Variants in KAZN observed in about 807,000 individuals in gnomAD.
KAZN encodes the protein kazrin, periplakin interacting protein, also known as kazrin.
In KAZN, 40 loss-of-function variants were observed where a neutral mutation model predicts 87.4. That is an observed-to-expected ratio of 0.46 (90% CI 0.36 to 0.60). KAZN has a LOEUF of 0.60. KAZN is among the 20% of genes least tolerant of loss of function. The pLI is 0.00. For synonymous variants in KAZN, 466 were observed against 458.3 expected, an observed-to-expected ratio of 1.02 and a Z score of -0.22; for missense variants, 898 against 1,073.9, an observed-to-expected ratio of 0.84 and a Z score of 2.29.
intron 2 of KAZN, among the ~76,000 whole-genome samples, chr1:14,488,753 G>A (rs1557754051): frequency 6.6e-6 from 1 of 152,194 alleles, no homozygotes; most frequent in Non-Finnish European, 1.5e-5. Context: ...TGTCTGAGAA[G>A]TGCAAGAAAG....
In KAZN at chr1:14,494,679, C is replaced by T. The variant is rs371555355; in HGVS notation, c.250-104304C>T. ...ACTGCCTTACTTCTGACCTCCTGAA[C>T]CAATCTGTAATGTCCAAGCAAAACC... On this transcript the variant is annotated intron_variant, in intron 2 of 16. Transcript: ENST00000636203. Among the ~76,000 whole-genome samples, 7 of 152,278 alleles carry T rather than the reference C, an allele frequency of 4.6e-5. No homozygotes were observed. The East Asian group carries it at 1.2e-3, about 25-fold the overall frequency.
chr1:14,456,873 A>G (rs1485779554), intron 2 of KAZN, among the ~76,000 whole-genome samples: 4 of 152,272 alleles, frequency 2.6e-5, no homozygotes, highest in Admixed American at 2.6e-4. Flanking sequence ...TGAGGTCAAG[A>G]GTTCGAGACC....
intron 2 of KAZN, among the ~76,000 whole-genome samples, chr1:14,351,751 C>A (rs1281479760): frequency 3.9e-5 from 6 of 152,154 alleles, no homozygotes; most frequent in Non-Finnish European, 8.8e-5. Flanking sequence ...AGCTCTACCC[C>A]ACAGCAAACA....
intron 2 of KAZN, among the ~76,000 whole-genome samples, chr1:14,512,537 C>T (rs911127230): frequency 3.7e-5 from 5 of 136,484 alleles, no homozygotes; most frequent in Non-Finnish European, 6.1e-5. Flanking sequence ...AGATTCAGGA[C>T]ATTAGCCTAT....
At chr1:14,919,827 T>C (rs923907450) in intron 1 of KAZN, among the ~76,000 whole-genome samples, 2 of 152,208 alleles carry the variant, frequency 1.3e-5, no homozygotes, top group Admixed American at 6.5e-5. Context: ...CTTACCATCG[T>C]GTTACAATTA....
chr1:14,535,298 C>G (rs796202758), intron 2 of KAZN, among the ~76,000 whole-genome samples: 53 of 152,348 alleles, frequency 3.5e-4, no homozygotes, highest in African/African-American at 1.3e-3. Flanking sequence ...TATAAATAGG[C>G]TTGCATCTTA....
At chr1:14,544,304 C>T (rs1392976318) in intron 2 of KAZN, among the ~76,000 whole-genome samples, 1 of 147,958 alleles carries the variant, frequency 6.8e-6, no homozygotes, top group African/African-American at 2.5e-5. Flanking sequence ...CACAAATTAC[C>T]ACTTTGAGAT....
chr1:15,094,944 C>A lies in KAZN; in HGVS notation c.1547+11C>A. On this transcript the variant is annotated intron_variant, in intron 10 of 14. Transcript: ENST00000376030. This position sits in a 1 kb window ranked among gnomAD's most constrained non-coding sequence, Gnocchi z 4.5. The stretch of plus-strand genomic sequence containing the variant: ...CGAGGCAGGCCGCAGGTGAGCCCAC[C>A]ACGAGGGGCCCCGGGGGAGGAGAGA... 1 of 1,537,506 alleles carries A rather than the reference C, an allele frequency of 6.5e-7. No individual in the cohort carries two copies. Among genetic ancestry groups the A allele is most frequent in the Non-Finnish European group, 8.8e-7 (1 of 1,135,844 alleles).
At chr1:14,336,360 A>G (rs546887210) in intron 2 of KAZN, among the ~76,000 whole-genome samples, 1 of 152,248 alleles carries the variant, frequency 6.6e-6, no homozygotes, top group East Asian at 1.9e-4. Flanking sequence ...GTGTTTCTCC[A>G]TTCTTTAGCT....
At chr1:14,377,116 G>A (rs536792115) in intron 2 of KAZN, among the ~76,000 whole-genome samples, 39 of 152,298 alleles carry the variant, frequency 2.6e-4, no homozygotes, top group African/African-American at 8.7e-4. Flanking sequence ...AAGCTAGTGG[G>A]AAACAGAGTA....
At chr1:14,006,625 G>A (rs2101167746) in intron 1 of KAZN, among the ~76,000 whole-genome samples, 1 of 152,158 alleles carries the variant, frequency 6.6e-6, no homozygotes, top group African/African-American at 2.4e-5. Flanking sequence ...TCTTCTTGGT[G>A]CCCTGGTTGA....
At chr1:15,073,426 C>T (rs907096107) in intron 8 of KAZN, among the ~76,000 whole-genome samples, 1 of 152,164 alleles carries the variant, frequency 6.6e-6, no homozygotes, top group East Asian at 1.9e-4. Context: ...GGAGGGCAGA[C>T]TCGCCAGGGC....
chr1:14,017,164 T>C (rs1640608911), intron 1 of KAZN, among the ~76,000 whole-genome samples: 1 of 152,212 alleles, frequency 6.6e-6, no homozygotes, highest in Non-Finnish European at 1.5e-5. Context: ...CTGCTTTTTC[T>C]CAATGACGTT....
chr1:14,792,568 C>G (rs1645706544), intron 1 of KAZN, among the ~76,000 whole-genome samples: 1 of 152,068 alleles, frequency 6.6e-6, no homozygotes, highest in South Asian at 2.1e-4. Flanking sequence ...TCTTGACTAG[C>G]ATCATGAGGA....
chr1:14,701,468 A>G (rs1641916503), intron 1 of KAZN, among the ~76,000 whole-genome samples: 1 of 152,176 alleles, frequency 6.6e-6, no homozygotes, highest in South Asian at 2.1e-4. Context: ...TACCCTGCAC[A>G]CACTCTCCAC....
At chr1:14,678,342 A>G (rs897741892) in intron 1 of KAZN, among the ~76,000 whole-genome samples, 3 of 152,100 alleles carry the variant, frequency 2.0e-5, no homozygotes, top group Non-Finnish European at 2.9e-5. Flanking sequence ...TCAGACTCCA[A>G]GTTCTTAGGT....
At chr1:14,075,985 C>T (rs1398242156) in intron 1 of KAZN, among the ~76,000 whole-genome samples, 10 of 152,082 alleles carry the variant, frequency 6.6e-5, no homozygotes, top group South Asian at 2.1e-4. Flanking sequence ...GGGATTTATA[C>T]GAAAGGGAAA....
chr1:14,372,228 T>G (rs533236540), intron 2 of KAZN, among the ~76,000 whole-genome samples: 1 of 152,350 alleles, frequency 6.6e-6, no homozygotes, highest in Non-Finnish European at 1.5e-5. Context: ...TACATATAGC[T>G]ATAGTGTGGT....
intron 1 of KAZN, among the ~76,000 whole-genome samples, chr1:14,842,940 G>A (rs1165951470): frequency 6.6e-6 from 1 of 152,126 alleles, no homozygotes; most frequent in Non-Finnish European, 1.5e-5. Context: ...ATAATGTGAT[G>A]TGATTGGTAT....
Sources: allele counts gnomAD v4.1 joint callset (sites outside exome capture counted in the v4.1 genomes callset), GRCh38; gene constraint gnomAD v4.1.1; non-coding constraint Gnocchi (gnomAD v3.1); transcripts MANE v1.5; gene names NCBI Gene and HGNC (gene_info 2026-07-23, HGNC 2026-07-21).